URGCP: variants seen among roughly 807,000 people sequenced by gnomAD.
URGCP encodes upregulator of cell proliferation.
A neutral mutation model predicts 24.6 loss-of-function variants in URGCP; 13 were observed. The observed-to-expected ratio is 0.53, with a 90% CI of 0.34 to 0.84. The LOEUF (loss-of-function observed/expected upper bound fraction) is 0.84. Among genes scored for constraint, URGCP ranks in the 40% least tolerant of loss-of-function variants. The pLI, the probability that URGCP is intolerant of heterozygous loss-of-function variation, is 0.01. For synonymous variants in URGCP, 444 were observed against 487.2 expected, an observed-to-expected ratio of 0.91 and a Z score of 1.17; for missense variants, 899 against 1,194.3, an observed-to-expected ratio of 0.75 and a Z score of 3.64.
intron 1 of URGCP, among the ~76,000 whole-genome samples, chr7:43,892,770 T>C (rs1203612477): frequency 1.3e-5 from 2 of 151,674 alleles, no homozygotes; most frequent in Admixed American, 1.3e-4. Context: ...AAAAATGGGG[T>C]GGGGGTGTCC....
At chr7:43,879,312 G>A in intron 5 of URGCP, 52 bp from the exon 6 acceptor site, 1 of 1,534,550 alleles carries the variant, frequency 6.5e-7, no homozygotes. Flanking sequence ...CTGAGCTAGG[G>A]GCCAGGGAAG....
intron 1 of URGCP, chr7:43,888,052 A>G: frequency 2.0e-6 from 1 of 507,942 alleles, no homozygotes; most frequent in East Asian, 3.4e-5. Context: ...AAAAGTATGC[A>G]CAGTATGATT....
chr7:43,882,077 T>C lies in URGCP; in HGVS notation c.113-120A>G, dbSNP rs181119716. ...ACTTTAGGAGGCTGAACAAGAGGAG[T>C]GCTTGAGTCCAGGAGTTTGAGACCA... On this transcript the variant is annotated intron_variant, in intron 3 of 5. Transcript: ENST00000453200. 9,193 of 1,519,520 alleles carry C rather than the reference T, an allele frequency of 6.0e-3. 108 individuals are homozygous for C. Among genetic ancestry groups the C allele is most frequent in the South Asian group, 0.03 (2,394 of 78,864 alleles). The allele number at this position is 1,519,520 out of a possible 1,614,324, so 94.1% of individuals were successfully genotyped here.
In URGCP at chr7:43,876,614, G is replaced by A; in HGVS notation, c.*53C>T. 1 of 1,571,054 alleles carries A rather than the reference G, an allele frequency of 6.4e-7. No homozygotes were observed. The highest frequency in any genetic ancestry group is 8.6e-7 in the Non-Finnish European group (1 of 1,156,294). Reference sequence around the variant, plus strand: ...ACAGCCCCACACGGGTGCCCCATCAGACAGGGCTGCCCACAGCAGCCTCCT... The same window carrying A: ...ACAGCCCCACACGGGTGCCCCATCAAACAGGGCTGCCCACAGCAGCCTCCT... On this transcript the variant is annotated 3_prime_UTR_variant, in exon 6 of 6. Transcript: ENST00000453200.
In URGCP at chr7:43,877,737, G is replaced by T; in HGVS notation, c.1726C>A (p.Arg576=). Residue 576 remains arginine (R), a synonymous_variant, in exon 6 of 6, where the codon CGG becomes AGG. Coordinates refer to ENST00000453200, the MANE Select transcript of URGCP (RefSeq NM_001077663.3). ...FLRWMEWGLA[R]VAQPRLRQPP... The stretch of plus-strand genomic sequence containing the variant: ...TGTCTCAGTCGCGGCTGGGCCACCC[G>T]TGCCAGGCCCCACTCCATCCACCTC... The T allele has an allele frequency of 6.2e-7, 1 of 1,608,738 alleles. No homozygotes were observed. The highest frequency in any genetic ancestry group is 1.1e-5 in the South Asian group (1 of 90,516).
Position 43,876,382 on chromosome 7 carries a change from C to A in URGCP, c.*285G>T, listed in dbSNP as rs1326892416. ...GACAGAGAGCAGCTATACAGAGGGC[C>A]CACCCCGCAGGATCCTTGACAGGAG... On this transcript the variant is annotated 3_prime_UTR_variant, in exon 6 of 6. Transcript: ENST00000453200. 4.7e-6 allele frequency: 2 copies of A among 424,242 alleles called. No homozygotes were observed. The highest frequency in any genetic ancestry group is 8.6e-6 in the Non-Finnish European group (2 of 233,028). 26.3% of individuals were successfully genotyped at this position (424,242 alleles called of 1,614,324 possible). A position where few individuals can be genotyped will look rare whatever the true frequency, so the allele number is the denominator to read the frequency against.
In URGCP at chr7:43,879,195, G is replaced by A. The variant is rs781584933; in HGVS notation, c.268C>T (p.Leu90Phe). 1.9e-6 allele frequency: 3 copies of A among 1,613,738 alleles called. No individual in the cohort carries two copies. The African/African-American group carries it at 4.0e-5, about 22-fold the overall frequency. The change falls in exon 6 of 6, where the codon CTC becomes TTC. Residue 90 changes from leucine to phenylalanine, a missense_variant. Physicochemically the swap from Leu to Phe is conservative, Grantham distance 22. Transcript: ENST00000453200. ...LGLETYQVQK[L>F]SLQDSLQISF... Reference sequence around the variant, plus strand: ...ATCTGCAGAGAGTCCTGGAGGCTGAGTTTCTGGACCTGGTACGTCTCTAGG... The same window carrying A: ...ATCTGCAGAGAGTCCTGGAGGCTGAATTTCTGGACCTGGTACGTCTCTAGG...
chr7:43,906,714 T>A (rs1170901428), upstream of URGCP: 3 of 654,354 alleles, frequency 4.6e-6, no homozygotes, highest in Non-Finnish European at 5.3e-6. Flanking sequence ...TGAGGTGGGG[T>A]AAGGTGGGCC....
intron 1 of URGCP, among the ~76,000 whole-genome samples, chr7:43,890,438 G>A (rs887472076): frequency 1.5e-4 from 23 of 150,396 alleles, no homozygotes; most frequent in Admixed American, 1.1e-3. Flanking sequence ...GGATGGTCTC[G>A]ATCTCCTGAC....
chr7:43,886,867 G>T (rs1369727620), intron 3 of URGCP, among the ~76,000 whole-genome samples: 1 of 152,208 alleles, frequency 6.6e-6, no homozygotes, highest in Non-Finnish European at 1.5e-5. Flanking sequence ...CCTTAAAGGT[G>T]AATTTACAAA....
chr7:43,891,152 C>G (rs1562579241), intron 1 of URGCP, among the ~76,000 whole-genome samples: 1 of 152,182 alleles, frequency 6.6e-6, no homozygotes, highest in African/African-American at 2.4e-5. Flanking sequence ...ACTCCCTGGA[C>G]AGTCCATCCA....
intron 1 of URGCP, among the ~76,000 whole-genome samples, chr7:43,892,915 T>C (rs2095873085): frequency 6.6e-6 from 1 of 151,856 alleles, no homozygotes; most frequent in Non-Finnish European, 1.5e-5. Flanking sequence ...AAGAAGTGCT[T>C]AGGGGAATGT....
In URGCP at chr7:43,883,321, AATATATATATATATACAT is replaced by A. The variant is rs1286506304; in HGVS notation, c.113-1382_113-1365del. Among the ~76,000 whole-genome samples, 1,330 of 134,292 alleles carry A rather than the reference AATATATATATATATACAT, an allele frequency of 9.9e-3. 24 individuals carry two copies. Among genetic ancestry groups the A allele is most frequent in the African/African-American group, 0.036 (1,253 of 35,030 alleles). The allele number at this position is 134,292 out of a possible 152,430, so 88.1% of individuals were successfully genotyped here. On this transcript the variant is annotated intron_variant, in intron 3 of 5. Coordinates refer to ENST00000453200, the MANE Select transcript of URGCP (RefSeq NM_001077663.3). ...CTAGGTTCCAAAATTTATATATATA[AATATATATATATATACAT>A]ATATATATATATATATATATATATT...
chr7:43,900,624 T>C (rs2095888867), intron 1 of URGCP, among the ~76,000 whole-genome samples: 1 of 152,156 alleles, frequency 6.6e-6, no homozygotes, highest in African/African-American at 2.4e-5. Flanking sequence ...TCTCATTGTG[T>C]TGCCCAGGCT....
At position 43,879,092 on chromosome 7, in the gene URGCP, G is replaced by A; in HGVS notation, c.371C>T (p.Ala124Val). 1 of 1,614,182 alleles carries A rather than the reference G, an allele frequency of 6.2e-7. No homozygotes were observed. The highest frequency in any genetic ancestry group is 8.5e-7 in the Non-Finnish European group (1 of 1,180,030). ...GGTATTCCTGGCATCAGCATTGAGG[G>A]CCTGCAACTTCCTGAGGAAATTCCA... ...LPWNFLRKLQ[A>V]LNADARNTTM... The change falls in exon 6 of 6, where the codon GCC becomes GTC. Residue 124 changes from alanine to valine, a missense_variant. Physicochemically the swap from Ala to Val is moderately conservative, Grantham distance 64. Transcript: ENST00000453200.
chr7:43,914,492 G>A (rs1717607026), intron 1 of URGCP, among the ~76,000 whole-genome samples: 1 of 152,160 alleles, frequency 6.6e-6, no homozygotes, highest in African/African-American at 2.4e-5. Flanking sequence ...GTGGCAGGAT[G>A]AGAGTGTCTC....
At chr7:43,895,418 A>G (rs139030489) in intron 1 of URGCP, among the ~76,000 whole-genome samples, 2,531 of 152,342 alleles carry the variant, frequency 0.017, 63 homozygotes, top group African/African-American at 0.057. Flanking sequence ...GCTCACACCT[A>G]TAATCTCAGT....
At chr7:43,911,844 T>TA (rs1192940423) in intron 1 of URGCP, among the ~76,000 whole-genome samples, 1 of 152,008 alleles carries the variant, frequency 6.6e-6, no homozygotes, top group Non-Finnish European at 1.5e-5. Flanking sequence ...CATAAAATAA[T>TA]AAAATCATAT....
chr7:43,923,869 T>C (rs536262189), intron 1 of URGCP, among the ~76,000 whole-genome samples: 51 of 147,642 alleles, frequency 3.5e-4, no homozygotes, highest in African/African-American at 1.3e-3. Flanking sequence ...ATCTTTTGTG[T>C]ATTATTATTA....
Sources: allele counts gnomAD v4.1 joint callset (sites outside exome capture counted in the v4.1 genomes callset), GRCh38; gene constraint gnomAD v4.1.1; transcripts MANE v1.5; gene names NCBI Gene and HGNC (gene_info 2026-07-23, HGNC 2026-07-21).